The following USP40 variants were observed in gnomAD, a reference collection of about 807,000 sequenced individuals.
USP40 encodes the protein ubiquitin carboxyl-terminal hydrolase 40.
USP40 carries 143 observed loss-of-function variants against 166.2 expected under a neutral mutation model. The ratio of observed to expected loss-of-function variants is 0.86; its 90% CI spans 0.75 to 0.99. The LOEUF is 0.99. Ranked by LOEUF, USP40 falls within the 50% of genes least tolerant of loss-of-function variation. USP40 has a pLI of 0.00. For missense variants in USP40, 1,444 were observed against 1,479.7 expected (o/e 0.98, Z 0.40); for synonymous variants, 498 against 524.0 (o/e 0.95, Z 0.68).
chr2:233,523,308 A>G lies in USP40; in HGVS notation c.2063T>C (p.Ile688Thr), dbSNP rs1394468756. ...LTALAIPAGV[I>T]FINSAGCPGG... The stretch of plus-strand genomic sequence containing the variant: ...TGGACATCCAGCACTGTTGATGAAG[A>G]TGACACCTGCTGGGATTGCTAAGGC... The change falls in exon 16 of 32, where the codon ATC (isoleucine) becomes ACC (threonine). Residue 688 changes from isoleucine to threonine, a missense_variant. Coordinates refer to ENST00000678225, the MANE Select transcript of USP40 (RefSeq NM_001365479.2). The G allele has an allele frequency of 6.2e-7, 1 of 1,614,014 alleles. No homozygotes were observed. Among genetic ancestry groups the G allele is most frequent in the Admixed American group, 1.7e-5 (1 of 60,026 alleles).
At chr2:233,549,401 TG>T (rs80060967) in intron 7 of USP40, among the ~76,000 whole-genome samples, 172 bp from the exon 8 acceptor site, 28,522 of 152,014 alleles carry the variant, frequency 0.19, 2,982 homozygotes, top group Admixed American at 0.28. Context: ...TTAAATTAAT[TG>T]ATCTAATGGC....
In USP40 at chr2:233,533,712, T is replaced by C. The variant is rs2068723303; in HGVS notation, c.1238A>G (p.Asn413Ser). 6.2e-7 allele frequency: 1 copy of C among 1,613,462 alleles called. No homozygotes were observed. Among genetic ancestry groups the C allele is most frequent in the African/African-American group, 1.3e-5 (1 of 74,988 alleles). ...SDESTVRLLK[N>S]SSLQAESDFQ... ...ATCAGACTCAGCCTGGAGAGAACTA[T>C]TCTTCAAGAGACGAACTGTACTTTC... Residue 413 changes from asparagine to serine, a missense_variant, in exon 11 of 32, where the codon AAT (asparagine) becomes AGT (serine). Physicochemically the swap from Asn to Ser is conservative, Grantham distance 46 (BLOSUM62 1). Coordinates refer to ENST00000678225, the MANE Select transcript of USP40 (RefSeq NM_001365479.2).
chr2:233,522,064 C>T (rs1282414477), intron 16 of USP40, among the ~76,000 whole-genome samples: 2 of 152,142 alleles, frequency 1.3e-5, no homozygotes, highest in Non-Finnish European at 2.9e-5. Context: ...TACTGACTTG[C>T]CTAGGAGCAC....
intron 11 of USP40, among the ~76,000 whole-genome samples, chr2:233,532,713 G>T (rs1434604320): frequency 1.3e-5 from 2 of 152,166 alleles, no homozygotes; most frequent in Non-Finnish European, 2.9e-5. Context: ...AGGCTGAGGT[G>T]TGAGCATCAT....
In USP40 at chr2:233,519,646, G is replaced by T; in HGVS notation, c.2351C>A (p.Ala784Asp). Residue 784 changes from alanine to aspartate, a missense_variant, in exon 18 of 32, where the codon GCC becomes GAC. Ala to Asp is a moderately radical substitution (Grantham distance 126). Transcript: ENST00000678225. Reference sequence around the variant, plus strand: ...CTTCATTAATTTTAATTCCTTTATGGCTTTAATTCGAATATCAAACACCAT... The same window carrying T: ...CTTCATTAATTTTAATTCCTTTATGTCTTTAATTCGAATATCAAACACCAT... ...NTMVFDIRIK[A>D]IKELKLMKEL... 1 of 1,428,442 alleles carries T rather than the reference G, an allele frequency of 7.0e-7. No individual in the cohort carries two copies. The allele number at this position is 1,428,442 out of a possible 1,614,324, so 88.5% of individuals were successfully genotyped here.
At position 233,524,613 on chromosome 2, in the gene USP40, T is replaced by C. The variant is rs1446075655; in HGVS notation, c.1811-51A>G. On this transcript the variant is annotated intron_variant, in intron 14 of 31. Transcript: ENST00000678225. ...ATTCATCATGACCATCAGAAACAAC[T>C]GAGCTAAAGAAAGAGCTGAGACAAA... is the stretch of plus-strand genomic sequence containing the variant. 2.9e-6 allele frequency: 4 copies of C among 1,396,224 alleles called. No individual in the cohort carries two copies. In the East Asian group the frequency reaches 8.0e-5, roughly 28 times the overall value. 86.5% of individuals were successfully genotyped at this position (1,396,224 alleles called of 1,614,324 possible). A position where few individuals can be genotyped will look rare whatever the true frequency, so the allele number is the denominator to read the frequency against.
Position 233,533,606 on chromosome 2 carries a change from G to A in USP40, c.1344C>T (p.His448=). ...PGLNNSISCP[H]WFDINDSKVQ... ...CTTTAGAATCATTTATATCAAACCA[G>A]TGGGGACAGGAGATGCTATTGTTTA... Residue 448 remains histidine (H), a synonymous_variant, in exon 11 of 32, where the codon CAC becomes CAT. Coordinates refer to ENST00000678225, the MANE Select transcript of USP40 (RefSeq NM_001365479.2). 6.2e-7 allele frequency: 1 copy of A among 1,613,820 alleles called. No homozygotes were observed. Among genetic ancestry groups the A allele is most frequent in the Non-Finnish European group, 8.5e-7 (1 of 1,179,806 alleles).
chr2:233,513,851 T>C lies in USP40; in HGVS notation c.2384-1229A>G, dbSNP rs999888765. ...GAATTCTTAAAAAGTAGGACATAAATTGGAGGGGTGGGGGAAGGTTGAGTG... is the reference window on the plus strand; with the variant it reads ...GAATTCTTAAAAAGTAGGACATAAACTGGAGGGGTGGGGGAAGGTTGAGTG... On this transcript the variant is annotated intron_variant, in intron 18 of 31. Transcript: ENST00000678225. Among the ~76,000 whole-genome samples the C allele has an allele frequency of 2.0e-5, 3 of 152,146 alleles. No homozygotes were observed. In the East Asian group the frequency reaches 5.8e-4, roughly 29 times the overall value.
chr2:233,515,221 T>G lies in USP40; in HGVS notation c.2384-2599A>C, dbSNP rs1575270329. Among the ~76,000 whole-genome samples the G allele has an allele frequency of 5.9e-5, 9 of 152,354 alleles. 3 individuals carry two copies. The highest frequency in any genetic ancestry group is 5.9e-4 in the Admixed American group (9 of 15,302). On this transcript the variant is annotated intron_variant, in intron 18 of 31. Transcript: ENST00000678225. ...GAACATTTATGTCTTTATAAGGATA[T>G]ATGTTTTAACTCTTATTCAGTAAAT...
Position 233,533,469 on chromosome 2 carries a change from C to T in USP40, c.1471+10G>A. ...AACTGAAACAAATAGGAACATTTTT[C>T]TTTCCATACCTTCAGGGGGTCTCTG... On this transcript the variant is annotated intron_variant, in intron 11 of 31. Transcript: ENST00000678225. 1 of 1,599,572 alleles carries T rather than the reference C, an allele frequency of 6.3e-7. No individual in the cohort carries two copies. The highest frequency in any genetic ancestry group is 1.3e-5 in the African/African-American group (1 of 74,280).
rs1342788912 is a variant in USP40 at position 233,477,129 on chromosome 2, G to A, written c.*263C>T. 1.8e-5 allele frequency: 9 copies of A among 490,300 alleles called. No individual in the cohort carries two copies. The highest frequency in any genetic ancestry group is 3.0e-5 in the Non-Finnish European group (8 of 266,962). 30.4% of individuals were successfully genotyped at this position (490,300 alleles called of 1,614,324 possible). On this transcript the variant is annotated 3_prime_UTR_variant, in exon 32 of 32. Transcript: ENST00000678225. ...AAGAAAAAAAAAGGCAGCTGGGGCC[G>A]GGTGCTGTGTGAGAGAGCCCAGCAC...
rs1040555924 is a variant in USP40 at position 233,491,223 on chromosome 2, A to G, written c.2956T>C (p.Tyr986His). 8 of 1,612,390 alleles carry G rather than the reference A, an allele frequency of 5.0e-6. No homozygotes were observed. Among genetic ancestry groups the G allele is most frequent in the Non-Finnish European group, 6.8e-6 (8 of 1,179,286 alleles). ...GNEPAQVSLL[Y>H]LGDIEISEDA... ...TCTGAGATCTCTATGTCTCCCAAGT[A>G]GAGGAGAGAAACTTGCGCAGGCTCG... The change falls in exon 26 of 32, where the codon TAC becomes CAC. Residue 986 changes from tyrosine (Y) to histidine (H), a missense_variant. By Grantham distance (83) the Tyr-to-His change is moderately conservative (BLOSUM62 2). Transcript: ENST00000678225.
At chr2:233,560,866 G>T (rs1044334976) in intron 3 of USP40, 5 of 579,554 alleles carry the variant, frequency 8.6e-6, no homozygotes, top group Non-Finnish European at 1.6e-5. Flanking sequence ...AGACTTCTGG[G>T]GGAAGCTAAT....
At chr2:233,556,080 C>A (rs1359250575) in intron 5 of USP40, among the ~76,000 whole-genome samples, 1 of 149,516 alleles carries the variant, frequency 6.7e-6, no homozygotes, top group African/African-American at 2.5e-5. Context: ...CGTGCCACTG[C>A]ACTCCAGCCT....
intron 21 of USP40, among the ~76,000 whole-genome samples, chr2:233,504,968 T>C (rs1024882658): frequency 2.0e-5 from 3 of 151,918 alleles, no homozygotes; most frequent in Non-Finnish European, 4.4e-5. Flanking sequence ...ACAAAACAAG[T>C]CTTAATACAT....
At chr2:233,525,611 C>T in intron 13 of USP40, 49 bp from the exon 14 acceptor site, 1 of 1,387,708 alleles carries the variant, frequency 7.2e-7, no homozygotes, top group Non-Finnish European at 1.0e-6. Context: ...GTGACATATA[C>T]ATATCACCTT....
Position 233,486,774 on chromosome 2 carries a change from G to A in USP40, c.3198-797C>T, listed in dbSNP as rs1300258982. ...TGTGGGCCCATGGAATCAGGGGAGT[G>A]CAGAGTGCAAGAGCAGAGGCTGCAC... On this transcript the variant is annotated intron_variant, in intron 28 of 31. Coordinates refer to ENST00000678225, the MANE Select transcript of USP40 (RefSeq NM_001365479.2). The surrounding 1 kb of genome is among the most constrained non-coding windows in gnomAD (Gnocchi z 4.0). Among the ~76,000 whole-genome samples, 1 of 152,234 alleles carries A rather than the reference G, an allele frequency of 6.6e-6. No individual in the cohort carries two copies. The highest frequency in any genetic ancestry group is 2.4e-5 in the African/African-American group (1 of 41,460).
At chr2:233,559,765 T>C in intron 4 of USP40, 46 bp downstream of exon 4, 1 of 1,368,550 alleles carries the variant, frequency 7.3e-7, no homozygotes, top group Non-Finnish European at 1.0e-6. Flanking sequence ...GCCTTATTCT[T>C]TCCTCTATTG....
chr2:233,510,392 C>CTTTTTTTTTTTTTTTTTTTT lies in USP40; in HGVS notation c.2527-277_2527-258dup, dbSNP rs1158427662. ...CCACATACACTACTTCTTTTTCTTT[C>CTTTTTTTTTTTTTTTTTTTT]TTTTTTTTTTTTTTTTTTTTTTTTT... is the stretch of plus-strand genomic sequence containing the variant. On this transcript the variant is annotated intron_variant, in intron 20 of 31. Coordinates refer to ENST00000678225, the MANE Select transcript of USP40 (RefSeq NM_001365479.2). 5.8e-5 allele frequency among the ~76,000 whole-genome samples: 4 copies of CTTTTTTTTTTTTTTTTTTTT among 68,690 alleles called. 1 individual carries two copies. Among genetic ancestry groups the CTTTTTTTTTTTTTTTTTTTT allele is most frequent in the East Asian group, 3.7e-4 (1 of 2,688 alleles). 45.1% of individuals were successfully genotyped at this position (68,690 alleles called of 152,430 possible).
Sources: allele counts gnomAD v4.1 joint callset (sites outside exome capture counted in the v4.1 genomes callset), GRCh38; gene constraint gnomAD v4.1.1; non-coding constraint Gnocchi (gnomAD v3.1); transcripts MANE v1.5; gene names NCBI Gene and HGNC (gene_info 2026-07-23, HGNC 2026-07-21).